Variants in TPRG1 observed in about 807,000 individuals in gnomAD.
The protein encoded by TPRG1 is tumor protein p63 regulated 1.
Under a neutral mutation model 29.3 loss-of-function variants are expected in TPRG1, and 29 were observed. The ratio of observed to expected loss-of-function variants is 0.99; its 90% CI spans 0.74 to 1.35. TPRG1 has a LOEUF of 1.35. Among genes scored for constraint, TPRG1 ranks in the 40% most tolerant of loss-of-function variants. TPRG1 has a pLI of 0.00. For synonymous variants in TPRG1, 130 were observed against 116.8 expected (o/e 1.11, Z -0.73); for missense variants, 327 against 335.0 (o/e 0.98, Z 0.19).
intron 4 of TPRG1, among the ~76,000 whole-genome samples, chr3:189,066,292 A>G (rs1044897860): frequency 6.6e-6 from 1 of 152,112 alleles, no homozygotes; most frequent in Admixed American, 6.6e-5. Context: ...AATAGAGGAT[A>G]AGAGAATATT....
chr3:189,033,866 G>A (rs1237770173), intron 4 of TPRG1, among the ~76,000 whole-genome samples: 3 of 152,072 alleles, frequency 2.0e-5, no homozygotes, highest in African/African-American at 7.2e-5. Context: ...GTGAGCCACC[G>A]TGCCCAGCCT....
At chr3:189,303,801 G>A (rs1422878023) in intron 4 of TPRG1, among the ~76,000 whole-genome samples, 1 of 152,104 alleles carries the variant, frequency 6.6e-6, no homozygotes, top group Non-Finnish European at 1.5e-5. Context: ...TGGACCTTTG[G>A]TTTGGAAACT....
chr3:189,227,045 T>G (rs1399375796), intron 3 of TPRG1, among the ~76,000 whole-genome samples: 1 of 151,266 alleles, frequency 6.6e-6, no homozygotes, highest in African/African-American at 2.4e-5. Context: ...CCTATAACAA[T>G]TAGGAAACTG....
intron 1 of TPRG1, among the ~76,000 whole-genome samples, chr3:189,119,351 G>A (rs866208493): frequency 1.3e-5 from 2 of 152,130 alleles, no homozygotes; most frequent in South Asian, 2.1e-4. Flanking sequence ...GCTCATAGGT[G>A]GAAGGGACTT....
chr3:189,108,978 C>A (rs1379932799), intron 1 of TPRG1, among the ~76,000 whole-genome samples: 1 of 152,030 alleles, frequency 6.6e-6, no homozygotes, highest in Non-Finnish European at 1.5e-5. Flanking sequence ...TCAGAAATAG[C>A]CTGCTTGTCT....
chr3:189,296,046 G>A (rs918188052), intron 4 of TPRG1, among the ~76,000 whole-genome samples: 2 of 152,098 alleles, frequency 1.3e-5, no homozygotes, highest in South Asian at 2.1e-4. Context: ...TTTCTAAAAC[G>A]GAGGTACACT....
chr3:189,169,406 C>T (rs935920348), upstream of TPRG1, among the ~76,000 whole-genome samples: 1 of 152,158 alleles, frequency 6.6e-6, no homozygotes, highest in African/African-American at 2.4e-5. Flanking sequence ...CTCAGATGAT[C>T]CGCTCACCTC....
chr3:189,089,118 G>T (rs1438327017), intron 4 of TPRG1, among the ~76,000 whole-genome samples: 1 of 151,930 alleles, frequency 6.6e-6, no homozygotes, highest in African/African-American at 2.4e-5. Context: ...ATGATTACAG[G>T]ACTAACAGTC....
intron 3 of TPRG1, among the ~76,000 whole-genome samples, chr3:189,007,479 G>A (rs1712354471): frequency 6.6e-6 from 1 of 151,774 alleles, no homozygotes; most frequent in East Asian, 1.9e-4. Context: ...GATTGTGGAA[G>A]TCAGTGTGGC....
intron 5 of TPRG1, among the ~76,000 whole-genome samples, chr3:189,153,481 G>C (rs1294114569): frequency 6.6e-6 from 1 of 152,160 alleles, no homozygotes; most frequent in African/African-American, 2.4e-5. Context: ...GTTCCAATCT[G>C]AGGCAAGGTA....
intron 2 of TPRG1, among the ~76,000 whole-genome samples, chr3:189,209,997 T>A (rs1382694851): frequency 6.6e-6 from 1 of 152,104 alleles, no homozygotes; most frequent in African/African-American, 2.4e-5. Context: ...AATGAAAATA[T>A]AACTGTTGGC....
intron 2 of TPRG1, among the ~76,000 whole-genome samples, chr3:189,003,481 G>A (rs1712132664): frequency 6.6e-6 from 1 of 152,154 alleles, no homozygotes. Flanking sequence ...TCTGTTCTCT[G>A]ATACCACACA....
At chr3:189,118,568 G>T (rs1039989685) in intron 1 of TPRG1, among the ~76,000 whole-genome samples, 1 of 152,150 alleles carries the variant, frequency 6.6e-6, no homozygotes, top group Non-Finnish European at 1.5e-5. Flanking sequence ...AAGGAAAAAT[G>T]GTTGTGTAGC....
At chr3:189,302,211 T>A (rs1054410018) in intron 4 of TPRG1, among the ~76,000 whole-genome samples, 2 of 152,204 alleles carry the variant, frequency 1.3e-5, no homozygotes, top group African/African-American at 4.8e-5. Flanking sequence ...ATGGAAGGCT[T>A]GTTTTATATC....
chr3:189,125,750 C>A (rs774101581), intron 1 of TPRG1, among the ~76,000 whole-genome samples: 26 of 150,502 alleles, frequency 1.7e-4, no homozygotes, highest in Non-Finnish European at 3.1e-4. Context: ...TTCTTTATAT[C>A]AGACTTATTT....
At chr3:189,233,825 G>T (rs1022627237) in intron 3 of TPRG1, among the ~76,000 whole-genome samples, 1 of 152,092 alleles carries the variant, frequency 6.6e-6, no homozygotes, top group African/African-American at 2.4e-5. Flanking sequence ...AGAAAACTGT[G>T]ATTAGGGCCA....
chr3:189,035,729 C>T (rs1285658478), intron 4 of TPRG1, among the ~76,000 whole-genome samples: 1 of 151,694 alleles, frequency 6.6e-6, no homozygotes, highest in African/African-American at 2.4e-5. Flanking sequence ...GATACCAACT[C>T]ATACTAGTCA....
At chr3:189,240,999 T>C (rs965275313) in intron 4 of TPRG1, among the ~76,000 whole-genome samples, 1 of 152,214 alleles carries the variant, frequency 6.6e-6, no homozygotes, top group Non-Finnish European at 1.5e-5. Flanking sequence ...ATTTAGCCAG[T>C]CCCTCATTGA....
At chr3:189,285,169 A>C (rs1717846356) in intron 4 of TPRG1, among the ~76,000 whole-genome samples, 1 of 152,252 alleles carries the variant, frequency 6.6e-6, no homozygotes, top group Non-Finnish European at 1.5e-5. Flanking sequence ...ACATTTATGC[A>C]GCCAAAAGAC....
Sources: gnomAD v4.1 joint callset for allele counts (sites outside exome capture counted in the v4.1 genomes callset) on GRCh38, gnomAD v4.1.1 for gene constraint, MANE v1.5 for transcripts, NCBI Gene and HGNC (gene_info 2026-07-23, HGNC 2026-07-21) for gene names.